PARD3: variants seen among roughly 807,000 people sequenced by gnomAD.
PARD3 encodes par-3 family cell polarity regulator.
A neutral mutation model predicts 155.4 loss-of-function variants in PARD3; 75 were observed. The ratio of observed to expected loss-of-function variants is 0.48; its 90% CI spans 0.40 to 0.58. The LOEUF is 0.58. Ranked by LOEUF, PARD3 falls within the 20% of genes least tolerant of loss-of-function variation. The pLI, the probability that PARD3 is intolerant of heterozygous loss-of-function variation, is 0.00. For missense variants in PARD3, 1,642 were observed against 1,721.7 expected (o/e 0.95, Z 0.82); for synonymous variants, 576 against 610.5 (o/e 0.94, Z 0.83).
At chr10:34,309,801 A>G (rs1957608986) in intron 20 of PARD3, among the ~76,000 whole-genome samples, 1 of 135,808 alleles carries the variant, frequency 7.4e-6, no homozygotes, top group Non-Finnish European at 1.6e-5. Flanking sequence ...ATGCAGAAAG[A>G]ATTATGAATT....
chr10:34,166,740 A>AC (rs946897835), intron 22 of PARD3, among the ~76,000 whole-genome samples: 1 of 151,886 alleles, frequency 6.6e-6, no homozygotes, highest in African/African-American at 2.4e-5. Context: ...CCAAGCAAGC[A>AC]CCCCCACAAC....
rs531496414 is a variant in PARD3, at chr10:34,327,744, C to T, written c.2833+3373G>A. Among the ~76,000 whole-genome samples the T allele has an allele frequency of 6.6e-5, 10 of 152,248 alleles. No homozygotes were observed. In the South Asian group the frequency reaches 2.1e-3, roughly 32 times the overall value. ...TCCCATGTGACAAAAAGACCATCTGCCTAGACGAGGGTCCTCTTTTCAGAT... is the reference window on the plus strand; with the variant it reads ...TCCCATGTGACAAAAAGACCATCTGTCTAGACGAGGGTCCTCTTTTCAGAT... On this transcript the variant is annotated intron_variant, in intron 19 of 24. Transcript: ENST00000374788.
chr10:34,154,059 T>C (rs1294524940), intron 22 of PARD3, among the ~76,000 whole-genome samples: 1 of 152,224 alleles, frequency 6.6e-6, no homozygotes, highest in Non-Finnish European at 1.5e-5. Flanking sequence ...ATTTTGGTTT[T>C]AGTTGACACT....
At chr10:34,791,336 C>T (rs1841591292) in intron 1 of PARD3, among the ~76,000 whole-genome samples, 1 of 152,170 alleles carries the variant, frequency 6.6e-6, no homozygotes, top group Non-Finnish European at 1.5e-5. Context: ...CACCACACTG[C>T]TGGCAGCCGC....
intron 22 of PARD3, among the ~76,000 whole-genome samples, chr10:34,242,703 GCAGGCAGATCATTTGAGGT>G (rs1407930070): frequency 1.4e-4 from 21 of 152,142 alleles, no homozygotes; most frequent in African/African-American, 5.1e-4. Context: ...AAAGGTGGAG[GCAGGCAGATCATTTGAGGT>G]CAGGAGTTCG....
chr10:34,681,584 CACT>C (rs2093820908), intron 2 of PARD3, among the ~76,000 whole-genome samples: 1 of 149,440 alleles, frequency 6.7e-6, no homozygotes, highest in Non-Finnish European at 1.5e-5. Context: ...CATGGAACAC[CACT>C]GTTGTAGCTG....
intron 2 of PARD3, among the ~76,000 whole-genome samples, chr10:34,570,259 C>A (rs1288027486): frequency 6.6e-6 from 1 of 152,140 alleles, no homozygotes; most frequent in Non-Finnish European, 1.5e-5. Flanking sequence ...TGTCTTCTTA[C>A]TTCTGAAGGT....
intron 22 of PARD3, among the ~76,000 whole-genome samples, chr10:34,140,662 A>T (rs1342405871): frequency 3.3e-5 from 5 of 152,228 alleles, no homozygotes; most frequent in African/African-American, 1.2e-4. Flanking sequence ...ATCAATTATC[A>T]AACTACAAAT....
chr10:34,296,536 T>C (rs941174005), intron 20 of PARD3, among the ~76,000 whole-genome samples: 1 of 152,218 alleles, frequency 6.6e-6, no homozygotes, highest in African/African-American at 2.4e-5. Context: ...CAACTCATTA[T>C]TTATTATACT....
chr10:34,746,258 C>G (rs1286038929), intron 1 of PARD3, among the ~76,000 whole-genome samples: 1 of 150,682 alleles, frequency 6.6e-6, no homozygotes, highest in Non-Finnish European at 1.5e-5. Context: ...GCCTGGCCAA[C>G]AAAGTGAGAT....
chr10:34,563,117 A>C (rs370745906), intron 2 of PARD3, among the ~76,000 whole-genome samples: 11 of 152,206 alleles, frequency 7.2e-5, no homozygotes, highest in African/African-American at 2.2e-4. Context: ...AATTCCATGA[A>C]TATCAGTTAA....
chr10:34,785,367 T>G (rs979036020), intron 1 of PARD3, among the ~76,000 whole-genome samples: 2 of 152,224 alleles, frequency 1.3e-5, no homozygotes, highest in Non-Finnish European at 2.9e-5. Context: ...TATCCTTAAT[T>G]TTGCATTTTG....
intron 1 of PARD3, among the ~76,000 whole-genome samples, chr10:34,708,244 C>T (rs566136126): frequency 1.0e-4 from 15 of 147,906 alleles, no homozygotes; most frequent in South Asian, 2.2e-4. Flanking sequence ...GTCTTTACAA[C>T]GCAATTGCAC....
At chr10:34,312,489 C>T (rs1468855775) in intron 20 of PARD3, 46 of 1,053,062 alleles carry the variant, frequency 4.4e-5, no homozygotes, top group Admixed American at 1.6e-4. Context: ...ATCCAAACTA[C>T]GACATTCAGT....
intron 5 of PARD3, among the ~76,000 whole-genome samples, chr10:34,403,196 G>T (rs1473801500): frequency 1.3e-5 from 2 of 152,106 alleles, no homozygotes; most frequent in South Asian, 2.1e-4. Flanking sequence ...AGGTTTATAT[G>T]TATAATTTAT....
intron 14 of PARD3, among the ~76,000 whole-genome samples, chr10:34,354,732 G>C (rs924229804): frequency 1.3e-5 from 2 of 152,152 alleles, no homozygotes; most frequent in African/African-American, 4.8e-5. Flanking sequence ...CAGAAACACT[G>C]AGTGGCTAGA....
chr10:34,438,165 A>AT (rs1455345588), intron 5 of PARD3, among the ~76,000 whole-genome samples: 1 of 152,196 alleles, frequency 6.6e-6, no homozygotes, highest in African/African-American at 2.4e-5. Flanking sequence ...CTAACACTGA[A>AT]TCCATGTTCA....
chr10:34,389,239 T>TAAAAAAAAAAAAA (rs57615675), intron 7 of PARD3, among the ~76,000 whole-genome samples: 10 of 65,852 alleles, frequency 1.5e-4, no homozygotes, highest in African/African-American at 6.5e-4. Flanking sequence ...CAATGTTTCT[T>TAAAAAAAAAAAAA]AAAAAAAAAA....
chr10:34,116,046 A>G (rs1946655277), intron 24 of PARD3, among the ~76,000 whole-genome samples: 1 of 152,226 alleles, frequency 6.6e-6, no homozygotes. Flanking sequence ...ATTTTAGAAA[A>G]AGAAAAACAA....
Sources: gnomAD v4.1 joint callset for allele counts (sites outside exome capture counted in the v4.1 genomes callset) on GRCh38, gnomAD v4.1.1 for gene constraint, MANE v1.5 for transcripts, NCBI Gene and HGNC (gene_info 2026-07-23, HGNC 2026-07-21) for gene names.